SF3A3: variants seen among roughly 807,000 people sequenced by gnomAD.
The protein encoded by SF3A3 is splicing factor 3a subunit 3.
Under a neutral mutation model 85.8 loss-of-function variants are expected in SF3A3, and 9 were observed. The observed-to-expected ratio is 0.10, with a 90% CI of 0.06 to 0.18. The LOEUF (loss-of-function observed/expected upper bound fraction) is 0.18, where lower values mean the gene tolerates loss of function less well. SF3A3 is among the 10% of genes least tolerant of loss of function. The probability of loss-of-function intolerance (pLI) is 1.00; values close to 1 mark genes in which losing one functional copy is unlikely to be tolerated. For missense variants in SF3A3, 306 were observed against 593.3 expected, an observed-to-expected ratio of 0.52 and a Z score of 5.03; for synonymous variants, 195 against 204.4, an observed-to-expected ratio of 0.95 and a Z score of 0.39.
intron 14 of SF3A3, among the ~76,000 whole-genome samples, chr1:37,968,606 T>G (rs1376837646): frequency 6.6e-6 from 1 of 152,214 alleles, no homozygotes; most frequent in South Asian, 2.1e-4. Context: ...ACTGACATGA[T>G]GGCAGTTTTA....
rs5773608 is a variant in SF3A3, at chr1:37,962,780, TAAAAA to T, written c.1373-2610_1373-2606del. ...AATTTATAAGTAAAACCCTCTAAGTTAAAAAAAAAAAAAAAATCACTGCGGCCGGG... is the reference window on the plus strand; with the variant it reads ...AATTTATAAGTAAAACCCTCTAAGTTAAAAAAAAAAATCACTGCGGCCGGG... On this transcript the variant is annotated intron_variant, in intron 15 of 16. Transcript: ENST00000373019. Among the ~76,000 whole-genome samples, 288 of 143,640 alleles carry T rather than the reference TAAAAA, an allele frequency of 2.0e-3. 3 individuals carry two copies. Among genetic ancestry groups the T allele is most frequent in the African/African-American group, 6.9e-3 (269 of 38,870 alleles). 94.2% of individuals were successfully genotyped at this position (143,640 alleles called of 152,430 possible). A position where few individuals can be genotyped will look rare whatever the true frequency, so the allele number is the denominator to read the frequency against.
intron 16 of SF3A3, among the ~76,000 whole-genome samples, chr1:37,959,605 G>A (rs904955991): frequency 1.3e-5 from 2 of 149,544 alleles, no homozygotes; most frequent in Admixed American, 1.3e-4. Context: ...TTGAGAAAGA[G>A]TCTTGCTCTG....
intron 15 of SF3A3, among the ~76,000 whole-genome samples, chr1:37,966,214 TAAA>T (rs1253665562): frequency 1.4e-5 from 2 of 146,728 alleles, no homozygotes; most frequent in Non-Finnish European, 3.0e-5. Context: ...AAAAAATAAA[TAAA>T]TAAATTAATT....
chr1:37,984,931 C>T (rs1646445912), intron 4 of SF3A3, 152 bp from the exon 5 acceptor site: 3 of 621,748 alleles, frequency 4.8e-6, no homozygotes, highest in Non-Finnish European at 8.6e-6. Flanking sequence ...CCTCGGCCAC[C>T]CGAGTAGCTG....
In SF3A3 at chr1:37,985,528, C is replaced by T. The variant is rs551132948; in HGVS notation, c.304-749G>A. Among the ~76,000 whole-genome samples, 16 of 152,282 alleles carry T rather than the reference C, an allele frequency of 1.1e-4. 1 individual carries two copies. Among genetic ancestry groups the T allele is most frequent in the Middle Eastern group, 3.4e-3 (1 of 292 alleles). ...TATGCACAAAGTTTGGAAAACAGTG[C>T]TCTATGTATTTAAATATATGTATTT... On this transcript the variant is annotated intron_variant, in intron 4 of 16. Transcript: ENST00000373019.
At chr1:37,962,689 T>G (rs936450473) in intron 15 of SF3A3, among the ~76,000 whole-genome samples, 1 of 151,526 alleles carries the variant, frequency 6.6e-6, no homozygotes, top group Non-Finnish European at 1.5e-5. Context: ...CAGAGGGCTC[T>G]TTCTTAGCTT....
intron 15 of SF3A3, among the ~76,000 whole-genome samples, chr1:37,963,326 A>C (rs1646274879): frequency 6.6e-6 from 1 of 150,810 alleles, no homozygotes; most frequent in Admixed American, 6.6e-5. Context: ...AAAAAGAGAG[A>C]GAAGACAGGG....
intron 2 of SF3A3, among the ~76,000 whole-genome samples, chr1:37,988,715 C>T (rs757646894): frequency 2.2e-4 from 33 of 152,040 alleles, no homozygotes; most frequent in Non-Finnish European, 3.8e-4. Flanking sequence ...GTAAAATGAA[C>T]CTCCATTTAT....
chr1:37,969,812 C>T, intron 12 of SF3A3, 77 bp from the exon 13 acceptor site: 1 of 1,491,218 alleles, frequency 6.7e-7, no homozygotes, highest in Non-Finnish European at 9.2e-7. Context: ...TTTCCTGTAA[C>T]TTTTGCTGAC....
chr1:37,981,686 T>C lies in SF3A3; in HGVS notation c.551+43A>G, dbSNP rs368536771. 107 of 1,218,416 alleles carry C rather than the reference T, an allele frequency of 8.8e-5. No homozygotes were observed. In the African/African-American group the frequency reaches 1.3e-3, roughly 15 times the overall value. The allele number at this position is 1,218,416 out of a possible 1,614,324, so 75.5% of individuals were successfully genotyped here. A position where few individuals can be genotyped will look rare whatever the true frequency, so the allele number is the denominator to read the frequency against. On this transcript the variant is annotated intron_variant, in intron 7 of 16. Coordinates refer to ENST00000373019, the MANE Select transcript of SF3A3 (RefSeq NM_006802.4). ...CACCCTCAAAAACTTCACATTATCTTCTAATCAAATCCAGGAGAGGCCTAG... is the reference window on the plus strand; with the variant it reads ...CACCCTCAAAAACTTCACATTATCTCCTAATCAAATCCAGGAGAGGCCTAG...
At chr1:37,978,950 A>G in intron 10 of SF3A3, 38 bp downstream of exon 10, 1 of 1,587,278 alleles carries the variant, frequency 6.3e-7, no homozygotes, top group Non-Finnish European at 8.7e-7. Context: ...GCAAACACAC[A>G]GTAAATCGAT....
chr1:37,988,871 G>GTT (rs1450453546), intron 2 of SF3A3, among the ~76,000 whole-genome samples: 1 of 149,110 alleles, frequency 6.7e-6, no homozygotes, highest in African/African-American at 2.5e-5. Flanking sequence ...GTGTGTGTGT[G>GTT]TGTGTGTGTA....
chr1:37,986,857 T>TG (rs1431791112), intron 4 of SF3A3, among the ~76,000 whole-genome samples: 1 of 149,806 alleles, frequency 6.7e-6, no homozygotes, highest in Non-Finnish European at 1.5e-5. Context: ...CACAATTTAT[T>TG]GGGGAGAGTA....
rs1646484132 is a variant in SF3A3 at position 37,989,923 on chromosome 1, T to C, written c.43A>G (p.Lys15Glu). The C allele has an allele frequency of 1.2e-6, 2 of 1,613,570 alleles. No individual in the cohort carries two copies. Among genetic ancestry groups the C allele is most frequent in the Non-Finnish European group, 1.7e-6 (2 of 1,179,960 alleles). ...GCCATGACGTCCATGAGCCGTTCCTTCTCCTCATGATAGCGCCGCTGCTGC... is the reference window on the plus strand; with the variant it reads ...GCCATGACGTCCATGAGCCGTTCCTCCTCCTCATGATAGCGCCGCTGCTGC... Reference protein sequence around the residue: ...LEQQRRYHEEKERLMDVMAKE... With the variant: ...LEQQRRYHEEEERLMDVMAKE... Residue 15 changes from lysine (K) to glutamate (E), a missense_variant, in exon 1 of 17, where the codon AAG becomes GAG. This residue lies in a region of SF3A3 where 152 missense variants were observed against 192.0 expected (regional missense o/e 0.79). Coordinates refer to ENST00000373019, the MANE Select transcript of SF3A3 (RefSeq NM_006802.4).
intron 2 of SF3A3, among the ~76,000 whole-genome samples, chr1:37,988,875 GTGTGTATA>G (rs1209538233): frequency 6.7e-6 from 1 of 148,936 alleles, no homozygotes; most frequent in East Asian, 2.0e-4. Flanking sequence ...GTGTGTGTGT[GTGTGTATA>G]TATATATATA....
chr1:37,969,032 G>C (rs1646321102), intron 14 of SF3A3, among the ~76,000 whole-genome samples: 1 of 152,138 alleles, frequency 6.6e-6, no homozygotes, highest in Non-Finnish European at 1.5e-5. Flanking sequence ...TAGCAATGGG[G>C]TAGAGAAATA....
rs34993722 is a variant in SF3A3 at position 37,959,957 on chromosome 1, C to CAAAA, written c.1428+159_1428+162dup. Reference sequence around the variant, plus strand: ...CGGGCAACAGTACGAGACTCCGTGTCAAAAAAAAAAAAAAAAAAAAAGGAA... The same window carrying CAAAA: ...CGGGCAACAGTACGAGACTCCGTGTCAAAAAAAAAAAAAAAAAAAAAAAAAGGAA... On this transcript the variant is annotated intron_variant, in intron 16 of 16. Transcript: ENST00000373019. 2.3e-4 allele frequency among the ~76,000 whole-genome samples: 22 copies of CAAAA among 97,322 alleles called. 1 individual carries two copies. In the South Asian group the frequency reaches 6.5e-3, roughly 29 times the overall value. The allele number at this position is 97,322 out of a possible 152,430, so 63.8% of individuals were successfully genotyped here.
At chr1:37,977,820 C>A (rs1646389572) in intron 11 of SF3A3, among the ~76,000 whole-genome samples, 1 of 152,022 alleles carries the variant, frequency 6.6e-6, no homozygotes, top group African/African-American at 2.4e-5. Context: ...GCCTGGGTGA[C>A]AGAGGAAGAC....
intron 15 of SF3A3, among the ~76,000 whole-genome samples, chr1:37,966,714 A>G (rs181493211): frequency 3.8e-4 from 57 of 151,834 alleles, no homozygotes; most frequent in Non-Finnish European, 7.1e-4. Flanking sequence ...AGGTGGGCAG[A>G]TCACCTGAGG....
Sources: allele counts gnomAD v4.1 joint callset (sites outside exome capture counted in the v4.1 genomes callset), GRCh38; gene constraint gnomAD v4.1.1; regional missense constraint gnomAD v4.1.1; transcripts MANE v1.5; gene names NCBI Gene and HGNC (gene_info 2026-07-23, HGNC 2026-07-21).